B3GLCT: variants seen among roughly 807,000 people sequenced by gnomAD.
B3GLCT encodes the protein beta-1,3-glucosyltransferase.
B3GLCT carries 65 observed loss-of-function variants against 63.4 expected under a neutral mutation model. The ratio of observed to expected loss-of-function variants is 1.03; its 90% CI spans 0.84 to 1.26. The LOEUF (loss-of-function observed/expected upper bound fraction) is 1.26. Among genes scored for constraint, B3GLCT ranks in the 50% most tolerant of loss-of-function variants. The pLI is 0.00. For missense variants in B3GLCT, 577 were observed against 604.8 expected, an observed-to-expected ratio of 0.95 and a Z score of 0.48; for synonymous variants, 233 against 219.2, an observed-to-expected ratio of 1.06 and a Z score of -0.55.
At chr13:31,272,363 C>T (rs922926875) in intron 8 of B3GLCT, among the ~76,000 whole-genome samples, 4 of 151,878 alleles carry the variant, frequency 2.6e-5, no homozygotes, top group East Asian at 1.9e-4. Flanking sequence ...TACAGGTGCC[C>T]GCCACCATGC....
chr13:31,300,200 A>G (rs1244540737), intron 12 of B3GLCT, among the ~76,000 whole-genome samples: 1 of 152,074 alleles, frequency 6.6e-6, no homozygotes, highest in Non-Finnish European at 1.5e-5. Flanking sequence ...AGTCAGTTTT[A>G]GGGGAAAAGA....
chr13:31,322,390 T>C (rs915604689), intron 13 of B3GLCT, among the ~76,000 whole-genome samples: 31 of 152,260 alleles, frequency 2.0e-4, no homozygotes, highest in African/African-American at 6.0e-4. Flanking sequence ...TCAGTTTTTC[T>C]TATTTTAAAC....
At chr13:31,234,883 G>T (rs2137782471) in intron 4 of B3GLCT, among the ~76,000 whole-genome samples, 1 of 152,152 alleles carries the variant, frequency 6.6e-6, no homozygotes, top group East Asian at 1.9e-4. Context: ...GAGTAGACCT[G>T]GTAGAGTTTG....
chr13:31,309,912 G>T lies in B3GLCT; in HGVS notation c.1065-7654G>T, dbSNP rs537546544. ...TTTCTTCCTCTAGGTTATGGGGCAG[G>T]ACATTTTCTGGAATTAGAGTCTTTT... On this transcript the variant is annotated intron_variant, in intron 12 of 14. Transcript: ENST00000343307. Among the ~76,000 whole-genome samples, 25 of 152,264 alleles carry T rather than the reference G, an allele frequency of 1.6e-4. No individual in the cohort carries two copies. The East Asian group carries it at 4.6e-3, about 28-fold the overall frequency.
intron 5 of B3GLCT, 107 bp from the exon 6 acceptor site, chr13:31,247,748 A>G: frequency 1.6e-6 from 1 of 607,094 alleles, no homozygotes; most frequent in South Asian, 2.1e-5. Context: ...AAAAAATTAG[A>G]TATGCCATTC....
In B3GLCT at chr13:31,218,967, G is replaced by A. The variant is rs1376659411; in HGVS notation, c.120+3867G>A. ...TTGCTTCTATTCAGGTGATCATGTG[G>A]TTTTTGAAAAAGCCCTGGACAGATA... On this transcript the variant is annotated intron_variant, in intron 2 of 14. Transcript: ENST00000343307. Among the ~76,000 whole-genome samples the A allele has an allele frequency of 2.0e-5, 3 of 150,658 alleles. No individual in the cohort carries two copies. The East Asian group carries it at 5.8e-4, about 29-fold the overall frequency.
At chr13:31,277,717 TTTGAGATTATAGTATTGTC>T (rs1210308134) in intron 10 of B3GLCT, among the ~76,000 whole-genome samples, 2 of 152,156 alleles carry the variant, frequency 1.3e-5, no homozygotes, top group Non-Finnish European at 2.9e-5. Flanking sequence ...AATATTATAA[TTTGAGATTATAGTATTGTC>T]TAAGACATCA....
At chr13:31,321,376 G>A (rs1285047880) in intron 13 of B3GLCT, among the ~76,000 whole-genome samples, 1 of 152,212 alleles carries the variant, frequency 6.6e-6, no homozygotes, top group Non-Finnish European at 1.5e-5. Flanking sequence ...TTAACAGCAA[G>A]TCAGAATCAG....
At position 31,247,026 on chromosome 13, in the gene B3GLCT, C is replaced by A. The variant is rs781089564; in HGVS notation, c.274C>A (p.Leu92Ile). 6.2e-7 allele frequency: 1 copy of A among 1,607,048 alleles called. No homozygotes were observed. Among genetic ancestry groups the A allele is most frequent in the Non-Finnish European group, 8.5e-7 (1 of 1,176,654 alleles). ...TCTTTGATCATTGTTTTCTCAGGAGCTCCCCAGTGTCCTCCTCCTTCATCA... is the reference window on the plus strand; with the variant it reads ...TCTTTGATCATTGTTTTCTCAGGAGATCCCCAGTGTCCTCCTCCTTCATCA... The part of the protein sequence containing the change: ...LKQAADLTQE[L>I]PSVLLLHQLA... Residue 92 changes from leucine (L) to isoleucine (I), a missense_variant, in exon 5 of 15, where the codon CTC (leucine) becomes ATC (isoleucine). Coordinates refer to ENST00000343307, the MANE Select transcript of B3GLCT (RefSeq NM_194318.4).
intron 12 of B3GLCT, among the ~76,000 whole-genome samples, chr13:31,289,388 A>G (rs1375712500): frequency 6.6e-6 from 1 of 152,182 alleles, no homozygotes; most frequent in Non-Finnish European, 1.5e-5. Flanking sequence ...TAGATACAGG[A>G]GATCCAGTGA....
At chr13:31,228,399 A>T (rs574858262) in intron 3 of B3GLCT, among the ~76,000 whole-genome samples, 30 of 152,230 alleles carry the variant, frequency 2.0e-4, no homozygotes, top group Non-Finnish European at 3.7e-4. Flanking sequence ...CTAGGACTAC[A>T]TAACAAAGTA....
intron 10 of B3GLCT, among the ~76,000 whole-genome samples, chr13:31,280,346 C>T (rs1873008231): frequency 6.6e-6 from 1 of 152,212 alleles, no homozygotes; most frequent in Non-Finnish European, 1.5e-5. Flanking sequence ...GCCATGGCTT[C>T]AGCCGGTCCC....
chr13:31,265,535 A>G (rs948772159), intron 7 of B3GLCT, among the ~76,000 whole-genome samples: 2 of 152,180 alleles, frequency 1.3e-5, no homozygotes, highest in African/African-American at 4.8e-5. Context: ...CATGAGACAC[A>G]CTTTCTTAGA....
At chr13:31,219,650 G>T (rs2137753596) in intron 2 of B3GLCT, among the ~76,000 whole-genome samples, 1 of 152,250 alleles carries the variant, frequency 6.6e-6, no homozygotes, top group East Asian at 1.9e-4. Flanking sequence ...TGTAAGATGG[G>T]GTAGTAGGAC....
At chr13:31,288,469 C>A (rs1470750768) in intron 12 of B3GLCT, among the ~76,000 whole-genome samples, 1 of 152,216 alleles carries the variant, frequency 6.6e-6, no homozygotes, top group Non-Finnish European at 1.5e-5. Flanking sequence ...TCTAACACCA[C>A]AGCCAGCATA....
chr13:31,322,812 A>G (rs886562470), intron 13 of B3GLCT, among the ~76,000 whole-genome samples: 2 of 152,194 alleles, frequency 1.3e-5, no homozygotes, highest in African/African-American at 4.8e-5. Flanking sequence ...TTTACTGTCA[A>G]CACATCTTCT....
chr13:31,261,146 AGTACT>A, intron 7 of B3GLCT, 64 bp downstream of exon 7: 2 of 1,556,206 alleles, frequency 1.3e-6, no homozygotes, highest in South Asian at 2.3e-5. Flanking sequence ...AATTTCATTG[AGTACT>A]GTAACTGATG....
intron 6 of B3GLCT, among the ~76,000 whole-genome samples, chr13:31,248,901 C>G (rs1394082263): frequency 6.6e-6 from 1 of 152,156 alleles, no homozygotes; most frequent in Admixed American, 6.6e-5. Context: ...GTTTAGAGAG[C>G]TGCCTTGGAA....
chr13:31,208,552 T>G (rs111240762), intron 1 of B3GLCT, among the ~76,000 whole-genome samples: 4,031 of 138,134 alleles, frequency 0.029, 118 homozygotes, highest in African/African-American at 0.066. Context: ...CCCCAGGCCC[T>G]CCCTTCCCGT....
Sources: allele counts gnomAD v4.1 joint callset (sites outside exome capture counted in the v4.1 genomes callset), GRCh38; gene constraint gnomAD v4.1.1; transcripts MANE v1.5; gene names NCBI Gene and HGNC (gene_info 2026-07-23, HGNC 2026-07-21).